SAMM50: variants seen among roughly 807,000 people sequenced by gnomAD.
SAMM50 encodes the protein SAMM50 sorting and assembly machinery component, also known as sorting and assembly machinery component 50 homolog.
SAMM50 carries 47 observed loss-of-function variants against 66.9 expected under a neutral mutation model. The observed-to-expected ratio is 0.70, with a 90% CI of 0.56 to 0.90. The LOEUF is 0.90. SAMM50 is among the 40% of genes least tolerant of loss of function. The pLI is 0.00. For synonymous variants in SAMM50, 191 were observed against 214.1 expected, an observed-to-expected ratio of 0.89 and a Z score of 0.94; for missense variants, 535 against 595.3, an observed-to-expected ratio of 0.90 and a Z score of 1.05.
chr22:43,991,387 C>T (rs2050324226), intron 14 of SAMM50, among the ~76,000 whole-genome samples: 1 of 151,824 alleles, frequency 6.6e-6, no homozygotes, highest in Non-Finnish European at 1.5e-5. Context: ...AAGTGATCCC[C>T]CTGCCTCAGC....
At chr22:43,979,741 G>T (rs1268395060) in intron 10 of SAMM50, among the ~76,000 whole-genome samples, 2 of 152,006 alleles carry the variant, frequency 1.3e-5, no homozygotes, top group Non-Finnish European at 2.9e-5. Context: ...TGCTTGTGCT[G>T]TTAGGGTGCC....
intron 1 of SAMM50, among the ~76,000 whole-genome samples, chr22:43,958,809 G>T (rs2050133353): frequency 2.6e-5 from 4 of 152,078 alleles, no homozygotes; most frequent in Admixed American, 2.6e-4. Flanking sequence ...AATTGCTGCT[G>T]CTTTGATGAG....
At chr22:43,990,499 A>T in intron 14 of SAMM50, 93 bp downstream of exon 14, 1 of 1,242,226 alleles carries the variant, frequency 8.1e-7, no homozygotes, top group Non-Finnish European at 1.2e-6. Context: ...GTGGCTTTTA[A>T]GCTTGAAGAT....
rs1239217484 is a variant in SAMM50 at position 43,963,332 on chromosome 22, G to GAGA, written c.74_76dup (p.Glu25dup). On this transcript the variant is annotated inframe_insertion, in exon 2 of 15. Transcript: ENST00000350028. ...AGTGGACCTGATTTTGGAGGATTAG[G>GAGA]AGAAGAAGCTGAATTTGTTGAAGTT... is the stretch of plus-strand genomic sequence containing the variant. The GAGA allele has an allele frequency of 1.9e-6, 3 of 1,613,334 alleles. No homozygotes were observed. Among genetic ancestry groups the GAGA allele is most frequent in the Non-Finnish European group, 2.5e-6 (3 of 1,179,824 alleles).
chr22:43,991,876 A>G (rs1386374561), intron 14 of SAMM50, among the ~76,000 whole-genome samples: 1 of 152,146 alleles, frequency 6.6e-6, no homozygotes, highest in Non-Finnish European at 1.5e-5. Flanking sequence ...CGAGGGCCCC[A>G]TCTTCGTTAC....
Position 43,990,377 on chromosome 22 carries a change from C to T in SAMM50, c.1335C>T (p.Cys445=), listed in dbSNP as rs140665840. Residue 445 remains cysteine (C), a synonymous_variant, in exon 14 of 15, where the codon TGC becomes TGT. Transcript: ENST00000350028. ...GNIARLELNY[C]VPMGVQTGDR... ...TCGCTCGGTTGGAACTTAATTACTG[C>T]GTCCCCATGGGAGTACAGACAGGCG... is the stretch of plus-strand genomic sequence containing the variant. 676 of 1,614,132 alleles carry T rather than the reference C, an allele frequency of 4.2e-4. 2 individuals are homozygous for T. The African/African-American group carries it at 7.9e-3, about 19-fold the overall frequency.
chr22:43,988,922 G>A, intron 12 of SAMM50, 189 bp from the exon 13 acceptor site: 2 of 496,106 alleles, frequency 4.0e-6, no homozygotes, highest in Non-Finnish European at 6.9e-6. Context: ...AAACAAACCA[G>A]GAGAAAAAGA....
chr22:43,980,879 T>G (rs922155035), intron 10 of SAMM50, among the ~76,000 whole-genome samples: 1 of 152,242 alleles, frequency 6.6e-6, no homozygotes, highest in Non-Finnish European at 1.5e-5. Flanking sequence ...GACTGGCTAC[T>G]GCCTCCTGCC....
At chr22:43,957,142 CAG>C (rs1350709644) in intron 1 of SAMM50, 33 of 780,768 alleles carry the variant, frequency 4.2e-5, no homozygotes, top group Non-Finnish European at 4.7e-6. Context: ...CGAGATGAAA[CAG>C]AATTCTATTT....
intron 12 of SAMM50, chr22:43,986,380 A>C (rs1603420171): frequency 6.6e-6 from 1 of 152,134 alleles, no homozygotes; most frequent in East Asian, 1.9e-4. Context: ...TGAAATCGCC[A>C]GATCTTTTAG....
chr22:43,985,748 C>T (rs1409506751), intron 12 of SAMM50, among the ~76,000 whole-genome samples: 6 of 151,904 alleles, frequency 3.9e-5, no homozygotes, highest in East Asian at 1.9e-4. Context: ...TGTTTGGTCA[C>T]GTGTTAAGAG....
At chr22:43,984,093 C>T (rs2050279009) in intron 12 of SAMM50, 93 bp downstream of exon 12, 1 of 1,077,890 alleles carries the variant, frequency 9.3e-7, no homozygotes, top group African/African-American at 1.6e-5. Flanking sequence ...CGATAATAGA[C>T]ATTCCTCTTT....
rs201558634 is a variant in SAMM50 at position 43,984,043 on chromosome 22, G to A, written c.1075+43G>A. ...ACGGCGCCAAGTCTAGAAGGCTCGC[G>A]TCTCACTTTGGAAACCATGTACCTG... On this transcript the variant is annotated intron_variant, in intron 12 of 14. Coordinates refer to ENST00000350028, the MANE Select transcript of SAMM50 (RefSeq NM_015380.5). The A allele has an allele frequency of 6.0e-5, 93 of 1,550,228 alleles. 1 individual carries two copies. The highest frequency in any genetic ancestry group is 3.8e-4 in the Admixed American group (21 of 55,202).
intron 1 of SAMM50, 73 bp from the exon 2 acceptor site, chr22:43,963,213 G>A: frequency 2.2e-6 from 2 of 930,048 alleles, no homozygotes; most frequent in Admixed American, 4.9e-5. Flanking sequence ...ACCATCTAAA[G>A]ACAAAACTCA....
intron 3 of SAMM50, among the ~76,000 whole-genome samples, chr22:43,968,509 A>G (rs528581999): frequency 1.3e-5 from 2 of 152,156 alleles, no homozygotes; most frequent in Admixed American, 6.5e-5. Flanking sequence ...TATGTTGCAC[A>G]CTCTTGATGC....
intron 10 of SAMM50, among the ~76,000 whole-genome samples, chr22:43,979,108 C>T (rs1247958810): frequency 6.6e-6 from 1 of 152,194 alleles, no homozygotes; most frequent in Non-Finnish European, 1.5e-5. Context: ...ATCATTGCTG[C>T]GCTCTTCCAC....
At chr22:43,993,228 G>A (rs959740480) in intron 14 of SAMM50, among the ~76,000 whole-genome samples, 2 of 152,142 alleles carry the variant, frequency 1.3e-5, no homozygotes, top group African/African-American at 2.4e-5. Context: ...TTTAGATACC[G>A]CTCTCTGACA....
chr22:43,976,992 G>A (rs1191770163), intron 9 of SAMM50, among the ~76,000 whole-genome samples, 171 bp downstream of exon 9: 1 of 152,214 alleles, frequency 6.6e-6, no homozygotes, highest in Admixed American at 6.5e-5. Context: ...CTTCCAGCCC[G>A]GAAATTGCTC....
chr22:43,972,385 T>C (rs1484540208), intron 5 of SAMM50, 43 bp downstream of exon 5: 2 of 1,240,564 alleles, frequency 1.6e-6, no homozygotes, highest in African/African-American at 1.5e-5. Context: ...GAACTTAGAG[T>C]TGGGAACTTT....
Sources: allele counts gnomAD v4.1 joint callset (sites outside exome capture counted in the v4.1 genomes callset), GRCh38; gene constraint gnomAD v4.1.1; transcripts MANE v1.5; gene names NCBI Gene and HGNC (gene_info 2026-07-23, HGNC 2026-07-21).